Variants in CEP63 observed in about 807,000 individuals in gnomAD.
CEP63 encodes the protein centrosomal protein 63.
A neutral mutation model predicts 89.1 loss-of-function variants in CEP63; 84 were observed. That is an observed-to-expected ratio of 0.94 (90% confidence interval 0.79 to 1.13). The LOEUF is 1.13. Ranked by LOEUF, CEP63 falls within the 50% of genes most tolerant of loss-of-function variation. The pLI, the probability that CEP63 is intolerant of heterozygous loss-of-function variation, is 0.00. For synonymous variants in CEP63, 267 were observed against 272.5 expected, an observed-to-expected ratio of 0.98 and a Z score of 0.20; for missense variants, 838 against 813.3, an observed-to-expected ratio of 1.03 and a Z score of -0.37.
the CEP63 span, among the ~76,000 whole-genome samples, chr3:134,729,822 G>T: frequency 1.5e-4 from 23 of 152,216 alleles, no homozygotes; most frequent in African/African-American, 5.5e-4. Context: ...TACTGAAGGG[G>T]CAGGGCGGGT....
chr3:134,704,342 A>G, the CEP63 span, among the ~76,000 whole-genome samples: 1 of 152,274 alleles, frequency 6.6e-6, no homozygotes, highest in South Asian at 2.1e-4. Flanking sequence ...ATTGGGCCTC[A>G]TTCATGTCTG....
intron 14 of CEP63, among the ~76,000 whole-genome samples, chr3:134,560,235 C>T (rs1433666907): frequency 6.6e-6 from 1 of 152,154 alleles, no homozygotes; most frequent in Non-Finnish European, 1.5e-5. Flanking sequence ...ATGTGTTTTG[C>T]TTCAGAAATA....
the CEP63 span, chr3:134,650,986 C>A: frequency 6.2e-7 from 1 of 1,612,518 alleles, no homozygotes; most frequent in Non-Finnish European, 8.5e-7. Flanking sequence ...CCGACCTGGG[C>A]GCCGCGGCCG....
At chr3:134,648,113 TC>T in the CEP63 span, among the ~76,000 whole-genome samples, 2 of 152,230 alleles carry the variant, frequency 1.3e-5, no homozygotes, top group Admixed American at 1.3e-4. Flanking sequence ...AAGGTCGAGT[TC>T]CTGGCACAGC....
chr3:134,741,818 G>A, the CEP63 span, among the ~76,000 whole-genome samples: 1 of 152,070 alleles, frequency 6.6e-6, no homozygotes, highest in Non-Finnish European at 1.5e-5. Flanking sequence ...GCTCCCTTCT[G>A]CAGTGTACTC....
At chr3:134,681,946 G>A in the CEP63 span, among the ~76,000 whole-genome samples, 2 of 152,178 alleles carry the variant, frequency 1.3e-5, no homozygotes, top group African/African-American at 4.8e-5. Context: ...ACCCAGCCCC[G>A]CTGGCCCCCT....
intron 12 of CEP63, among the ~76,000 whole-genome samples, chr3:134,555,993 T>G (rs1342965000): frequency 2.0e-5 from 3 of 150,060 alleles, no homozygotes. Flanking sequence ...ATCTGATCTT[T>G]GACAAACCTG....
At chr3:134,496,438 G>GA (rs921139063) in intron 2 of CEP63, among the ~76,000 whole-genome samples, 4 of 149,394 alleles carry the variant, frequency 2.7e-5, no homozygotes, top group East Asian at 3.9e-4. Flanking sequence ...AAAAGGGGGG[G>GA]GGGGCTAAAG....
chr3:134,691,148 C>T, the CEP63 span, among the ~76,000 whole-genome samples: 1 of 150,236 alleles, frequency 6.7e-6, no homozygotes, highest in South Asian at 2.1e-4. Context: ...TGAGCCTAGG[C>T]GTTTGAGACC....
the CEP63 span, among the ~76,000 whole-genome samples, chr3:134,680,991 G>A: frequency 1.3e-5 from 2 of 152,236 alleles, no homozygotes; most frequent in African/African-American, 4.8e-5. Context: ...TGTTAGTGAA[G>A]CCACAAGACA....
chr3:134,640,069 C>T, the CEP63 span: 1 of 152,374 alleles, frequency 6.6e-6, no homozygotes, highest in African/African-American at 2.4e-5. Context: ...TCTCCAAAGC[C>T]CCTTCCCATG....
At chr3:134,616,743 G>A in the CEP63 span, among the ~76,000 whole-genome samples, 1 of 152,246 alleles carries the variant, frequency 6.6e-6, no homozygotes, top group African/African-American at 2.4e-5. Flanking sequence ...CTCAAGGCAA[G>A]TGTCAATTTT....
chr3:134,635,365 C>T, the CEP63 span, among the ~76,000 whole-genome samples: 3 of 151,888 alleles, frequency 2.0e-5, no homozygotes, highest in African/African-American at 4.8e-5. Flanking sequence ...GGCATGGTGG[C>T]AGGCACCTGT....
intron 6 of CEP63, among the ~76,000 whole-genome samples, chr3:134,539,547 A>G (rs1428082777): frequency 6.6e-6 from 1 of 152,196 alleles, no homozygotes; most frequent in African/African-American, 2.4e-5. Flanking sequence ...AGTTGTCCAG[A>G]AAACTATCTT....
chr3:134,652,666 G>A, the CEP63 span, among the ~76,000 whole-genome samples: 71 of 149,552 alleles, frequency 4.7e-4, no homozygotes, highest in Admixed American at 9.4e-4. Flanking sequence ...ACGCGCGCGC[G>A]CACACCTGGG....
At chr3:134,763,548 A>G in the CEP63 span, among the ~76,000 whole-genome samples, 32 of 152,254 alleles carry the variant, frequency 2.1e-4, no homozygotes, top group South Asian at 2.1e-4. Context: ...TCCCCAGGCA[A>G]CCCTGCCCAG....
rs144569998 is a variant in CEP63 at position 134,532,837 on chromosome 3, A to G, written c.378A>G (p.Arg126=). The change falls in exon 5 of 15, where the codon AGA becomes AGG. Residue 126 remains arginine (R), a synonymous_variant. Coordinates refer to ENST00000675561, the MANE Select transcript of CEP63 (RefSeq NM_001353108.3). ...AGAAAAAGCAAATGAGGGAATTCAGAGGAAATACCAAAAATCACAGGGAAG... is the reference window on the plus strand; with the variant it reads ...AGAAAAAGCAAATGAGGGAATTCAGGGGAAATACCAAAAATCACAGGGAAG... ...KLQKKQMREF[R]GNTKNHREDR... 3.2e-5 allele frequency: 52 copies of G among 1,613,604 alleles called. No homozygotes were observed. In the African/African-American group the frequency reaches 6.7e-4, roughly 21 times the overall value.
At chr3:134,711,473 G>A in the CEP63 span, among the ~76,000 whole-genome samples, 1 of 152,128 alleles carries the variant, frequency 6.6e-6, no homozygotes, top group African/African-American at 2.4e-5. Flanking sequence ...GGTTACAAGA[G>A]GTCCCTGTGC....
the CEP63 span, among the ~76,000 whole-genome samples, chr3:134,745,963 A>G: frequency 1.3e-5 from 2 of 151,080 alleles, no homozygotes; most frequent in Non-Finnish European, 1.5e-5. Flanking sequence ...CATGTGCACA[A>G]CATGCAGTTT....
Sources: allele counts gnomAD v4.1 joint callset (sites outside exome capture counted in the v4.1 genomes callset), GRCh38; gene constraint gnomAD v4.1.1; transcripts MANE v1.5; gene names NCBI Gene and HGNC (gene_info 2026-07-23, HGNC 2026-07-21).